The following RNF220 variants were observed in gnomAD, a reference collection of about 807,000 sequenced individuals.
RNF220 encodes the protein E3 ubiquitin-protein ligase RNF220.
RNF220 carries 7 observed loss-of-function variants against 67.1 expected under a neutral mutation model. That is an observed-to-expected ratio of 0.10 (90% CI 0.06 to 0.20). RNF220 has a LOEUF of 0.20. Among genes scored for constraint, RNF220 ranks in the 10% least tolerant of loss-of-function variants. The pLI is 1.00. For missense variants in RNF220, 565 were observed against 740.3 expected, an observed-to-expected ratio of 0.76 and a Z score of 2.75; for synonymous variants, 270 against 283.2, an observed-to-expected ratio of 0.95 and a Z score of 0.47.
intron 2 of RNF220, among the ~76,000 whole-genome samples, chr1:44,485,759 A>C (rs1485422142): frequency 1.3e-5 from 2 of 152,204 alleles, no homozygotes; most frequent in African/African-American, 4.8e-5. Flanking sequence ...TGTGAGCGAC[A>C]GGTTTAGGGC....
chr1:44,590,342 T>C (rs1558071637), intron 2 of RNF220, among the ~76,000 whole-genome samples: 2 of 152,334 alleles, frequency 1.3e-5, no homozygotes, highest in East Asian at 3.8e-4. Context: ...ACTTTGCTAC[T>C]ACTGTGTCCC....
intron 2 of RNF220, among the ~76,000 whole-genome samples, chr1:44,434,324 G>A (rs1258310793): frequency 2.6e-5 from 4 of 152,104 alleles, no homozygotes; most frequent in Admixed American, 1.3e-4. Flanking sequence ...AAATCTTTTA[G>A]GCCACGGAGA....
At chr1:44,647,279 C>A (rs889478705) in intron 12 of RNF220, among the ~76,000 whole-genome samples, 2 of 152,214 alleles carry the variant, frequency 1.3e-5, no homozygotes, top group Admixed American at 1.3e-4. Flanking sequence ...CTATATAGGA[C>A]TAGGCAAATT....
intron 2 of RNF220, among the ~76,000 whole-genome samples, chr1:44,543,093 G>A (rs1250773986): frequency 1.3e-5 from 2 of 152,076 alleles, no homozygotes; most frequent in East Asian, 1.9e-4. Context: ...GCATTATTTG[G>A]TTGATCCCTC....
Position 44,645,414 on chromosome 1 carries a change from G to A in RNF220, c.1371G>A (p.Met457Ile), listed in dbSNP as rs1644612086. ...PEFSKWASDE[M>I]PSTSNGESSK... Reference sequence around the variant, plus strand: ...GTTGCCCCTCTGTCCCAGCAGAGATGCCATCCACCAGCAATGGTGAAAGCA... The same window carrying A: ...GTTGCCCCTCTGTCCCAGCAGAGATACCATCCACCAGCAATGGTGAAAGCA... The change falls in exon 12 of 15, where the codon ATG (methionine) becomes ATA (isoleucine). Residue 457 changes from methionine to isoleucine, a missense_variant. Coordinates refer to ENST00000361799, the MANE Select transcript of RNF220 (RefSeq NM_018150.4). This position sits in a 1 kb window ranked among gnomAD's most constrained non-coding sequence, Gnocchi z 5.0. 1 of 1,613,968 alleles carries A rather than the reference G, an allele frequency of 6.2e-7. No homozygotes were observed.
At chr1:44,605,296 C>CAA (rs1553120199) in intron 2 of RNF220, among the ~76,000 whole-genome samples, 25 of 52,074 alleles carry the variant, frequency 4.8e-4, no homozygotes, top group African/African-American at 5.9e-4. Context: ...GACTCCGTCT[C>CAA]AAAAAAAAAA....
At chr1:44,434,310 C>T (rs772999999) in intron 2 of RNF220, among the ~76,000 whole-genome samples, 1 of 152,132 alleles carries the variant, frequency 6.6e-6, no homozygotes, top group Non-Finnish European at 1.5e-5. Flanking sequence ...AGCCAGACCT[C>T]TGTAAATCTT....
At chr1:44,607,503 T>G (rs1389552337) in intron 2 of RNF220, among the ~76,000 whole-genome samples, 3 of 90,218 alleles carry the variant, frequency 3.3e-5, no homozygotes, top group African/African-American at 1.1e-4. Flanking sequence ...TTTTTTTTTT[T>G]TGAGACGGAG....
At chr1:44,528,367 C>G (rs1032963779) in intron 2 of RNF220, among the ~76,000 whole-genome samples, 7 of 151,384 alleles carry the variant, frequency 4.6e-5, no homozygotes, top group Non-Finnish European at 8.8e-5. Context: ...GTGGCGCTAT[C>G]TCGGCTCACT....
intron 2 of RNF220, among the ~76,000 whole-genome samples, chr1:44,473,011 C>T (rs904073976): frequency 6.6e-6 from 1 of 152,160 alleles, no homozygotes; most frequent in East Asian, 1.9e-4. Context: ...CTGGAAGGTT[C>T]TGGCTTTGAG....
At chr1:44,526,310 T>A (rs937326677) in intron 2 of RNF220, among the ~76,000 whole-genome samples, 1 of 152,100 alleles carries the variant, frequency 6.6e-6, no homozygotes, top group Admixed American at 6.5e-5. Context: ...AACCCTTCCC[T>A]CTCTCAAAAT....
In RNF220 at chr1:44,632,326, C is replaced by G; in HGVS notation, c.907-17C>G. 6.2e-7 allele frequency: 1 copy of G among 1,614,100 alleles called. No individual in the cohort carries two copies. On this transcript the variant is annotated splice_polypyrimidine_tract_variant and intron_variant, in intron 5 of 14. Coordinates refer to ENST00000361799, the MANE Select transcript of RNF220 (RefSeq NM_018150.4). ...CTCTCTTTTCTTTTCTTGCATCTGCCCGCGATCTTCTCCCAGACCTTTCTG... is the reference window on the plus strand; with the variant it reads ...CTCTCTTTTCTTTTCTTGCATCTGCGCGCGATCTTCTCCCAGACCTTTCTG...
chr1:44,507,329 A>C (rs575868321), intron 2 of RNF220, among the ~76,000 whole-genome samples: 6 of 152,302 alleles, frequency 3.9e-5, no homozygotes, highest in Admixed American at 3.9e-4. Context: ...TTTAAGCTAC[A>C]GGAGGCTGAG....
At chr1:44,408,721 G>A (rs1316453875) in intron 1 of RNF220, 1 of 152,182 alleles carries the variant, frequency 6.6e-6, no homozygotes, top group Non-Finnish European at 1.5e-5. Context: ...ATAAGCAGAG[G>A]AGTGTTGTGT....
At chr1:44,633,504 G>T (rs545163693) in intron 6 of RNF220, among the ~76,000 whole-genome samples, 1 of 152,352 alleles carries the variant, frequency 6.6e-6, no homozygotes, top group Admixed American at 6.5e-5. Flanking sequence ...TTTAGAAGAT[G>T]AATGGGAAGG....
chr1:44,596,736 G>C (rs1460893953), intron 2 of RNF220, among the ~76,000 whole-genome samples: 7 of 152,216 alleles, frequency 4.6e-5, no homozygotes, highest in African/African-American at 1.4e-4. Context: ...CCAGGGAGGA[G>C]AGAAGGGCCT....
At chr1:44,503,333 C>CAAAAAAAA (rs34103792) in intron 2 of RNF220, among the ~76,000 whole-genome samples, 3 of 84,498 alleles carry the variant, frequency 3.6e-5, no homozygotes, top group Non-Finnish European at 4.4e-5. Flanking sequence ...GATGCTGTCT[C>CAAAAAAAA]AAAAAAAAAA....
intron 2 of RNF220, among the ~76,000 whole-genome samples, chr1:44,608,219 C>T (rs77362528): frequency 2.0e-5 from 3 of 152,334 alleles, no homozygotes; most frequent in South Asian, 4.1e-4. Context: ...GCCACCACAC[C>T]GGCCCCATGT....
chr1:44,526,224 G>A (rs12069261), intron 2 of RNF220, among the ~76,000 whole-genome samples: 28,678 of 152,136 alleles, frequency 0.19, 3,224 homozygotes, highest in Middle Eastern at 0.29. Context: ...GTCACCACTA[G>A]CAGACCCTGA....
Sources: gnomAD v4.1 joint callset for allele counts (sites outside exome capture counted in the v4.1 genomes callset) on GRCh38, gnomAD v4.1.1 for gene constraint, Gnocchi (gnomAD v3.1) non-coding constraint, MANE v1.5 for transcripts, NCBI Gene and HGNC (gene_info 2026-07-23, HGNC 2026-07-21) for gene names.